SRGAP3: variants seen among roughly 807,000 people sequenced by gnomAD.
The protein encoded by SRGAP3 is SLIT-ROBO Rho GTPase-activating protein 3.
Under a neutral mutation model 121.1 loss-of-function variants are expected in SRGAP3, and 39 were observed. The ratio of observed to expected loss-of-function variants is 0.32; its 90% CI spans 0.25 to 0.42. The LOEUF is 0.42. Ranked by LOEUF, SRGAP3 falls within the 10% of genes least tolerant of loss-of-function variation. SRGAP3 has a pLI of 1.00. For synonymous variants in SRGAP3, 601 were observed against 570.0 expected (o/e 1.05, Z -0.77); for missense variants, 1,213 against 1,470.6 (o/e 0.82, Z 2.86).
chr3:9,346,413 TTC>T (rs1198142020), intron 1 of SRGAP3, among the ~76,000 whole-genome samples: 1 of 152,150 alleles, frequency 6.6e-6, no homozygotes, highest in African/African-American at 2.4e-5. Context: ...AGACTTGTTT[TTC>T]TATTTTTAAT....
intron 3 of SRGAP3, among the ~76,000 whole-genome samples, chr3:9,318,073 C>T (rs889873768): frequency 6.6e-6 from 1 of 151,910 alleles, no homozygotes; most frequent in African/African-American, 2.4e-5. Flanking sequence ...AATTTGAAAT[C>T]TTCTTCCCAC....
At chr3:9,058,926 G>A (rs1945983951) in intron 6 of SRGAP3, 3 of 193,548 alleles carry the variant, frequency 1.6e-5, no homozygotes, top group Non-Finnish European at 3.2e-5. Context: ...TACTGTGTTG[G>A]CCAGACTGGT....
chr3:9,315,751 A>G (rs1955333769), intron 3 of SRGAP3, among the ~76,000 whole-genome samples: 1 of 152,208 alleles, frequency 6.6e-6, no homozygotes, highest in Admixed American at 6.5e-5. Flanking sequence ...TAAACCACTG[A>G]AAATGTGAGC....
At chr3:9,059,919 C>T (rs1310504354) in intron 6 of SRGAP3, 1 of 400,948 alleles carries the variant, frequency 2.5e-6, no homozygotes, top group South Asian at 2.1e-5. Flanking sequence ...CCCCCCTGAA[C>T]CCCTCAAACC....
intron 10 of SRGAP3, among the ~76,000 whole-genome samples, chr3:9,039,630 A>C (rs1944926379): frequency 6.6e-6 from 1 of 152,180 alleles, no homozygotes; most frequent in South Asian, 2.1e-4. Context: ...CATGCCCACT[A>C]ATAGTCACTC....
rs190330964 is a variant in SRGAP3, at chr3:9,094,461, C to T, written c.423+10219G>A. Among the ~76,000 whole-genome samples the T allele has an allele frequency of 1.4e-4, 22 of 152,236 alleles. No individual in the cohort carries two copies. The South Asian group carries it at 2.9e-3, about 20-fold the overall frequency. On this transcript the variant is annotated intron_variant, in intron 3 of 21. Transcript: ENST00000383836. The stretch of plus-strand genomic sequence containing the variant: ...ATACAGTTTTGTGTGTGAGCAGATA[C>T]GCTAGAATATCTTTGGGTTATATTT...
chr3:9,352,851 T>C (rs1048645123), intron 1 of SRGAP3, among the ~76,000 whole-genome samples: 1 of 152,228 alleles, frequency 6.6e-6, no homozygotes, highest in Non-Finnish European at 1.5e-5. Flanking sequence ...TTATGTGATA[T>C]ACAGGTAAAA....
At chr3:9,103,363 T>C (rs1948290276) in intron 3 of SRGAP3, among the ~76,000 whole-genome samples, 1 of 152,184 alleles carries the variant, frequency 6.6e-6, no homozygotes, top group Non-Finnish European at 1.5e-5. Context: ...ATAGTCAGCT[T>C]TCATGAGCAC....
chr3:9,154,563 C>T (rs752533317), intron 1 of SRGAP3, among the ~76,000 whole-genome samples: 45 of 152,270 alleles, frequency 3.0e-4, no homozygotes, highest in Middle Eastern at 3.4e-3. Context: ...CTTCAATTCC[C>T]AGTATAAGCA....
rs762818205 is a variant in SRGAP3 at position 9,015,609 on chromosome 3, T to G, written c.1801A>C (p.Ile601Leu). The change falls in exon 15 of 22, where the codon ATA becomes CTA. Residue 601 changes from isoleucine to leucine, a missense_variant. By Grantham distance (5) the Ile-to-Leu change is conservative (BLOSUM62 2). Around this residue, in one of 2 missense-constraint regions of SRGAP3, gnomAD observed 793 missense variants for 1,032.9 expected, o/e 0.77. Coordinates refer to ENST00000383836, the MANE Select transcript of SRGAP3 (RefSeq NM_014850.4). ...LFPKERFQDL[I>L]STIKLENPAE... ...GGGAAATACTTACTAATAGTAGATATCAAATCTTGAAACCTTTCCTTAGGA... is the reference window on the plus strand; with the variant it reads ...GGGAAATACTTACTAATAGTAGATAGCAAATCTTGAAACCTTTCCTTAGGA... 2.5e-6 allele frequency: 4 copies of G among 1,614,160 alleles called. No individual in the cohort carries two copies. In the East Asian group the frequency reaches 8.9e-5, roughly 36 times the overall value.
chr3:9,286,483 A>G (rs900618204), intron 3 of SRGAP3, among the ~76,000 whole-genome samples: 8 of 152,200 alleles, frequency 5.3e-5, no homozygotes, highest in Non-Finnish European at 1.2e-4. Flanking sequence ...CAACACAGCA[A>G]GACCCCATCT....
At chr3:9,137,054 C>T (rs1949688625) in intron 1 of SRGAP3, among the ~76,000 whole-genome samples, 2 of 152,138 alleles carry the variant, frequency 1.3e-5, no homozygotes, top group South Asian at 4.2e-4. Context: ...TATGCTACAG[C>T]CTTAGGAGGA....
At chr3:9,057,504 G>C (rs1028391986) in intron 7 of SRGAP3, among the ~76,000 whole-genome samples, 2 of 152,206 alleles carry the variant, frequency 1.3e-5, no homozygotes, top group Non-Finnish European at 2.9e-5. Context: ...GAGCCATGCA[G>C]AGGGTCTAGC....
chr3:9,300,336 A>G (rs988592980), intron 3 of SRGAP3, among the ~76,000 whole-genome samples: 1 of 150,838 alleles, frequency 6.6e-6, no homozygotes, highest in African/African-American at 2.4e-5. Flanking sequence ...TTACCTTTGT[A>G]CATTCCATTT....
intron 3 of SRGAP3, among the ~76,000 whole-genome samples, chr3:9,318,846 TC>T (rs754823491): frequency 2.0e-5 from 3 of 151,162 alleles, no homozygotes; most frequent in Non-Finnish European, 4.4e-5. Flanking sequence ...ACACCTGCAC[TC>T]CAGCCTGGGT....
chr3:8,991,976 G>A (rs1942082921), intron 20 of SRGAP3, among the ~76,000 whole-genome samples: 1 of 152,188 alleles, frequency 6.6e-6, no homozygotes, highest in African/African-American at 2.4e-5. Context: ...GAAGTCAGGG[G>A]ACCATAACTT....
At chr3:9,178,375 T>C (rs527328379) in intron 1 of SRGAP3, among the ~76,000 whole-genome samples, 21 of 152,336 alleles carry the variant, frequency 1.4e-4, no homozygotes, top group South Asian at 8.3e-4. Flanking sequence ...CTGAGGAAAC[T>C]GGCACTGAGA....
rs1042973535 is a variant in SRGAP3, at chr3:8,983,495, C to T, written c.*2024G>A. 1 of 229,942 alleles carries T rather than the reference C, an allele frequency of 4.3e-6. No homozygotes were observed. Among genetic ancestry groups the T allele is most frequent in the African/African-American group, 2.2e-5 (1 of 45,080 alleles). 14.2% of individuals were successfully genotyped at this position (229,942 alleles called of 1,614,324 possible). A position where few individuals can be genotyped will look rare whatever the true frequency, so the allele number is the denominator to read the frequency against. On this transcript the variant is annotated 3_prime_UTR_variant, in exon 22 of 22. Coordinates refer to ENST00000383836, the MANE Select transcript of SRGAP3 (RefSeq NM_014850.4). The stretch of plus-strand genomic sequence containing the variant: ...AGGTGCCAGTGACTTAACTAGGTCC[C>T]TCCCTTTGGGTGTATTTACCTTTTC...
At chr3:9,338,604 C>T (rs2125288968) in intron 1 of SRGAP3, among the ~76,000 whole-genome samples, 1 of 152,324 alleles carries the variant, frequency 6.6e-6, no homozygotes, top group East Asian at 1.9e-4. Flanking sequence ...CAGAGGCATG[C>T]TTCCTCAATC....
Sources: allele counts gnomAD v4.1 joint callset (sites outside exome capture counted in the v4.1 genomes callset), GRCh38; gene constraint gnomAD v4.1.1; regional missense constraint gnomAD v4.1.1; transcripts MANE v1.5; gene names NCBI Gene and HGNC (gene_info 2026-07-23, HGNC 2026-07-21).